Variants in NTNG1 observed in about 807,000 individuals in gnomAD.
NTNG1 encodes netrin-G1.
A neutral mutation model predicts 54.0 loss-of-function variants in NTNG1; 16 were observed. The observed-to-expected ratio is 0.30, with a 90% CI of 0.20 to 0.45. The LOEUF is 0.45. NTNG1 is among the 20% of genes least tolerant of loss of function. NTNG1 has a pLI of 1.00. For synonymous variants in NTNG1, 255 were observed against 263.1 expected, an observed-to-expected ratio of 0.97 and a Z score of 0.30; for missense variants, 530 against 678.7, an observed-to-expected ratio of 0.78 and a Z score of 2.43.
chr1:107,367,589 T>C (rs926237706), intron 3 of NTNG1, among the ~76,000 whole-genome samples: 2 of 152,098 alleles, frequency 1.3e-5, no homozygotes, highest in Non-Finnish European at 2.9e-5. Context: ...ATTTTTCTCA[T>C]TTGTAAACAG....
chr1:107,183,614 C>T (rs140124570), intron 2 of NTNG1, among the ~76,000 whole-genome samples: 1 of 152,022 alleles, frequency 6.6e-6, no homozygotes, highest in Admixed American at 6.6e-5. Context: ...GGACATCGAG[C>T]TTTTGTTTTT....
intron 3 of NTNG1, among the ~76,000 whole-genome samples, chr1:107,363,985 C>T (rs964051073): frequency 3.9e-5 from 6 of 151,974 alleles, no homozygotes; most frequent in African/African-American, 1.5e-4. Context: ...CTGCACAGTG[C>T]CCAGTGGAGA....
intron 7 of NTNG1, among the ~76,000 whole-genome samples, chr1:107,463,496 GA>G (rs1012387165): frequency 4.7e-5 from 7 of 148,562 alleles, no homozygotes; most frequent in African/African-American, 1.5e-4. Flanking sequence ...TGTAATGCTA[GA>G]AAAAAATAAG....
intron 7 of NTNG1, among the ~76,000 whole-genome samples, chr1:107,459,758 C>T (rs573562342): frequency 9.2e-5 from 14 of 152,240 alleles, no homozygotes; most frequent in African/African-American, 3.1e-4. Context: ...TAACCTAGAA[C>T]GTTGCTCAAA....
intron 7 of NTNG1, among the ~76,000 whole-genome samples, chr1:107,445,796 A>G (rs1676272807): frequency 6.6e-6 from 1 of 152,282 alleles, no homozygotes; most frequent in South Asian, 2.1e-4. Flanking sequence ...GTACTGCCAT[A>G]GACAACGCTT....
At chr1:107,219,000 T>C (rs1660157010) in intron 2 of NTNG1, among the ~76,000 whole-genome samples, 1 of 152,192 alleles carries the variant, frequency 6.6e-6, no homozygotes, top group Non-Finnish European at 1.5e-5. Context: ...AATATGTTTT[T>C]GGAAAAACTC....
intron 3 of NTNG1, among the ~76,000 whole-genome samples, chr1:107,382,948 G>A (rs1671738110): frequency 6.6e-6 from 1 of 151,958 alleles, no homozygotes; most frequent in Non-Finnish European, 1.5e-5. Flanking sequence ...TTAGAAGAAA[G>A]CTATTTTCCC....
At chr1:107,324,260 C>G (rs773536004) in intron 2 of NTNG1, 22 bp from the exon 3 acceptor site, 1 of 1,603,532 alleles carries the variant, frequency 6.2e-7, no homozygotes, top group Admixed American at 1.7e-5. Context: ...TTGATGCACG[C>G]TCTTTTGTTC....
At chr1:107,170,547 A>T (rs1373937047) in intron 2 of NTNG1, among the ~76,000 whole-genome samples, 2 of 152,134 alleles carry the variant, frequency 1.3e-5, no homozygotes, top group African/African-American at 4.8e-5. Flanking sequence ...TAATTATTTA[A>T]ATGGCAGATT....
chr1:107,200,468 A>C (rs1658660897), intron 2 of NTNG1, among the ~76,000 whole-genome samples: 1 of 146,036 alleles, frequency 6.8e-6, no homozygotes, highest in African/African-American at 2.5e-5. Context: ...TAATGTTTTC[A>C]TGAAGATTCC....
chr1:107,412,027 C>A (rs781159077), intron 5 of NTNG1, among the ~76,000 whole-genome samples: 64 of 151,996 alleles, frequency 4.2e-4, no homozygotes, highest in Non-Finnish European at 7.2e-4. Flanking sequence ...TTATTGACAA[C>A]AATTGCCCAC....
intron 7 of NTNG1, among the ~76,000 whole-genome samples, chr1:107,455,389 A>AG (rs1457867785): frequency 6.6e-6 from 1 of 152,226 alleles, no homozygotes; most frequent in African/African-American, 2.4e-5. Flanking sequence ...AAGCAATAAA[A>AG]AGTCATTATG....
rs1188082865 is a variant in NTNG1, at chr1:107,395,276, C to T, written c.1010C>T (p.Pro337Leu). The T allele has an allele frequency of 1.9e-6, 3 of 1,613,620 alleles. No homozygotes were observed. Among genetic ancestry groups the T allele is most frequent in the Non-Finnish European group, 2.5e-6 (3 of 1,179,648 alleles). ...GKCKKNYQGR[P>L]WSPGSYLPIP... Reference sequence around the variant, plus strand: ...TGCAAGAAGAATTATCAGGGCCGACCTTGGAGTCCAGGCTCCTATCTCCCC... The same window carrying T: ...TGCAAGAAGAATTATCAGGGCCGACTTTGGAGTCCAGGCTCCTATCTCCCC... Residue 337 changes from proline (P) to leucine (L), a missense_variant, in exon 4 of 8, where the codon CCT becomes CTT. Around this residue, in one of 2 missense-constraint regions of NTNG1, gnomAD observed 318 missense variants for 465.1 expected, o/e 0.68. Coordinates refer to ENST00000370068, the MANE Select transcript of NTNG1 (RefSeq NM_001113226.3).
chr1:107,269,839 C>T (rs1167678667), intron 2 of NTNG1, among the ~76,000 whole-genome samples: 3 of 152,160 alleles, frequency 2.0e-5, no homozygotes, highest in Non-Finnish European at 2.9e-5. Flanking sequence ...CAGACTTCTG[C>T]CTTTAAATAT....
At chr1:107,403,369 A>G (rs1673167405) in intron 4 of NTNG1, among the ~76,000 whole-genome samples, 1 of 152,120 alleles carries the variant, frequency 6.6e-6, no homozygotes, top group Non-Finnish European at 1.5e-5. Context: ...GTTCTAGAAG[A>G]AGCGTTATTA....
At chr1:107,235,562 C>T (rs929048265) in intron 2 of NTNG1, among the ~76,000 whole-genome samples, 1 of 152,150 alleles carries the variant, frequency 6.6e-6, no homozygotes, top group Non-Finnish European at 1.5e-5. Context: ...CCATCAAGTT[C>T]TCATGGTGAA....
chr1:107,386,121 T>A (rs1671960400), intron 3 of NTNG1, among the ~76,000 whole-genome samples: 1 of 145,572 alleles, frequency 6.9e-6, no homozygotes, highest in Non-Finnish European at 1.5e-5. Flanking sequence ...ATATATATAC[T>A]TATATGTATG....
At chr1:107,310,587 A>C (rs1474883531) in intron 2 of NTNG1, among the ~76,000 whole-genome samples, 1 of 152,136 alleles carries the variant, frequency 6.6e-6, no homozygotes, top group Non-Finnish European at 1.5e-5. Context: ...AATAAAATAT[A>C]CTTGTATTTT....
chr1:107,250,650 ACC>A (rs1401610865), intron 2 of NTNG1, among the ~76,000 whole-genome samples: 11 of 152,240 alleles, frequency 7.2e-5, no homozygotes, highest in African/African-American at 2.4e-4. Flanking sequence ...GAGCTGTAAT[ACC>A]TTTGCAAAAC....
Sources: gnomAD v4.1 joint callset for allele counts (sites outside exome capture counted in the v4.1 genomes callset) on GRCh38, gnomAD v4.1.1 for gene constraint, gnomAD v4.1.1 regional missense constraint, MANE v1.5 for transcripts, NCBI Gene and HGNC (gene_info 2026-07-23, HGNC 2026-07-21) for gene names.